SMCHD1: variants seen among roughly 807,000 people sequenced by gnomAD.
SMCHD1 encodes structural maintenance of chromosomes flexible hinge domain-containing protein 1.
A neutral mutation model predicts 254.7 loss-of-function variants in SMCHD1; 78 were observed. The ratio of observed to expected loss-of-function variants is 0.31; its 90% CI spans 0.26 to 0.37. SMCHD1 has a LOEUF of 0.37. Among genes scored for constraint, SMCHD1 ranks in the 10% least tolerant of loss-of-function variants. The probability of loss-of-function intolerance (pLI) is 1.00; values close to 1 mark genes in which losing one functional copy is unlikely to be tolerated. For synonymous variants in SMCHD1, 766 were observed against 794.9 expected, an observed-to-expected ratio of 0.96 and a Z score of 0.61; for missense variants, 1,840 against 2,408.1, an observed-to-expected ratio of 0.76 and a Z score of 4.94.
In SMCHD1 at chr18:2,688,308, A is replaced by G. The variant is rs9962343; in HGVS notation, c.639-86A>G. On this transcript the variant is annotated intron_variant, in intron 5 of 47. Transcript: ENST00000320876. Reference sequence around the variant, plus strand: ...GGGTGTTTGCAGGCGTGATCATTTTATTAACACTGAATACAAGTGCAATGA... The same window carrying G: ...GGGTGTTTGCAGGCGTGATCATTTTGTTAACACTGAATACAAGTGCAATGA... 8.6e-3 allele frequency: 7,950 copies of G among 921,886 alleles called. 402 individuals carry two copies. The African/African-American group carries it at 0.11, about 13-fold the overall frequency. 57.1% of individuals were successfully genotyped at this position (921,886 alleles called of 1,614,324 possible). A position where few individuals can be genotyped will look rare whatever the true frequency, so the allele number is the denominator to read the frequency against.
intron 5 of SMCHD1, among the ~76,000 whole-genome samples, chr18:2,674,773 C>T (rs1324538886): frequency 6.6e-6 from 1 of 152,222 alleles, no homozygotes; most frequent in Non-Finnish European, 1.5e-5. Context: ...TAACAACATA[C>T]TTGGGAAGAG....
In SMCHD1 at chr18:2,718,605, G is replaced by GT. The variant is rs771214251; in HGVS notation, c.2458+171_2458+172insT. On this transcript the variant is annotated intron_variant, in intron 19 of 47. Coordinates refer to ENST00000320876, the MANE Select transcript of SMCHD1 (RefSeq NM_015295.3). The surrounding 1 kb of genome is among the most constrained non-coding windows in gnomAD (Gnocchi z 4.6). ...GGGTCTCATTCTGTCACCCAGGCTG[G>GT]AGTGCAGTGGCACAATCTCGGCTCA... Among the ~76,000 whole-genome samples the GT allele has an allele frequency of 4.7e-4, 71 of 152,072 alleles. No individual in the cohort carries two copies. Among genetic ancestry groups the GT allele is most frequent in the Middle Eastern group, 3.4e-3 (1 of 292 alleles).
In SMCHD1 at chr18:2,666,862, G is replaced by C. The variant is rs376994088; in HGVS notation, c.263-8G>C. 8 of 1,603,518 alleles carry C rather than the reference G, an allele frequency of 5.0e-6. No individual in the cohort carries two copies. In the African/African-American group the frequency reaches 1.1e-4, roughly 22 times the overall value. Reference sequence around the variant, plus strand: ...CCTAGCACTTATGATTTTCACTCTTGATTACAGATGAAACTGTTAAAGATG... The same window carrying C: ...CCTAGCACTTATGATTTTCACTCTTCATTACAGATGAAACTGTTAAAGATG... On this transcript the variant is annotated splice_region_variant and splice_polypyrimidine_tract_variant and intron_variant, in intron 2 of 47. Coordinates refer to ENST00000320876, the MANE Select transcript of SMCHD1 (RefSeq NM_015295.3).
chr18:2,662,818 AGTTTAT>A (rs2073332079), intron 1 of SMCHD1, among the ~76,000 whole-genome samples: 1 of 152,172 alleles, frequency 6.6e-6, no homozygotes, highest in Non-Finnish European at 1.5e-5. Context: ...CTTCCCAGTC[AGTTTAT>A]GTTCATGGCT....
intron 30 of SMCHD1, among the ~76,000 whole-genome samples, chr18:2,748,871 A>G (rs1023957948): frequency 2.0e-5 from 3 of 152,246 alleles, no homozygotes; most frequent in African/African-American, 7.2e-5. Flanking sequence ...GATATCATGT[A>G]AAGATGATGT....
intron 34 of SMCHD1, among the ~76,000 whole-genome samples, chr18:2,757,258 T>A (rs1272895396): frequency 6.6e-6 from 1 of 152,232 alleles, no homozygotes; most frequent in Non-Finnish European, 1.5e-5. Flanking sequence ...TCATCCTGGC[T>A]GGAGGGCCAT....
rs148868961 is a variant in SMCHD1 at position 2,784,298 on chromosome 18, C to T, written c.5548-152C>T. ...TCTCTCTGCCTCTGGATTTTTCCCT[C>T]CAGTTTATCTTACATATTGCTAGTT... On this transcript the variant is annotated intron_variant, in intron 44 of 47. Coordinates refer to ENST00000320876, the MANE Select transcript of SMCHD1 (RefSeq NM_015295.3). Among the ~76,000 whole-genome samples, 1,187 of 152,328 alleles carry T rather than the reference C, an allele frequency of 7.8e-3. 23 individuals carry two copies. The highest frequency in any genetic ancestry group is 0.027 in the African/African-American group (1,104 of 41,574).
At chr18:2,660,794 T>G (rs2073228074) in intron 1 of SMCHD1, among the ~76,000 whole-genome samples, 1 of 152,022 alleles carries the variant, frequency 6.6e-6, no homozygotes, top group Non-Finnish European at 1.5e-5. Flanking sequence ...CCATGGATAT[T>G]TAATATGGAT....
In SMCHD1 at chr18:2,656,819, G is replaced by C. The variant is rs569253784; in HGVS notation, c.186+558G>C. On this transcript the variant is annotated intron_variant, in intron 1 of 47. Transcript: ENST00000320876. ...GCGGCGGGGGGGATCCTTCCGCACG[G>C]AGACACTTGTCCAGGTCAGCTCTGC... Among the ~76,000 whole-genome samples the C allele has an allele frequency of 3.5e-4, 54 of 152,302 alleles. 1 individual carries two copies. The highest frequency in any genetic ancestry group is 1.3e-3 in the African/African-American group (53 of 41,564).
At chr18:2,743,055 C>A (rs1202950499) in intron 28 of SMCHD1, among the ~76,000 whole-genome samples, 1 of 152,138 alleles carries the variant, frequency 6.6e-6, no homozygotes. Flanking sequence ...TTGTACCTAG[C>A]AGAAATTTAA....
At chr18:2,656,350 A>G in intron 1 of SMCHD1, 89 bp downstream of exon 1, 2 of 1,191,072 alleles carry the variant, frequency 1.7e-6, no homozygotes, top group Non-Finnish European at 2.2e-6. Context: ...AGGGCAATAA[A>G]CCTGTCACCC....
intron 7 of SMCHD1, among the ~76,000 whole-genome samples, chr18:2,689,713 A>T (rs910266537): frequency 5.3e-5 from 8 of 151,670 alleles, no homozygotes. Flanking sequence ...ACGGGAAAAT[A>T]TTTATTTTAA....
In SMCHD1 at chr18:2,700,684, A is replaced by G. The variant is rs1178430481; in HGVS notation, c.1463+25A>G. 2.5e-6 allele frequency: 4 copies of G among 1,603,020 alleles called. No individual in the cohort carries two copies. In the African/African-American group the frequency reaches 5.4e-5, roughly 22 times the overall value. ...AGTAAGTTTGATTTTTGCTGAAATT[A>G]TGTTTTTACAACTTAATTCTTTTAC... On this transcript the variant is annotated intron_variant, in intron 11 of 47. Transcript: ENST00000320876.
intron 37 of SMCHD1, among the ~76,000 whole-genome samples, chr18:2,769,161 T>A (rs1302083763): frequency 6.6e-6 from 1 of 152,192 alleles, no homozygotes; most frequent in Non-Finnish European, 1.5e-5. Flanking sequence ...AAAGGTTTTT[T>A]ATCCATTAAT....
At chr18:2,683,858 G>A (rs2073982477) in intron 5 of SMCHD1, among the ~76,000 whole-genome samples, 1 of 151,716 alleles carries the variant, frequency 6.6e-6, no homozygotes, top group Non-Finnish European at 1.5e-5. Context: ...TTTCATTTGT[G>A]TTTTCATGCT....
At chr18:2,714,503 T>C (rs571369039) in intron 17 of SMCHD1, among the ~76,000 whole-genome samples, 1 of 152,258 alleles carries the variant, frequency 6.6e-6, no homozygotes, top group South Asian at 2.1e-4. Context: ...AGTTTTGCTC[T>C]TGTCATAATG....
chr18:2,676,428 A>G (rs2073750262), intron 5 of SMCHD1, among the ~76,000 whole-genome samples: 1 of 152,198 alleles, frequency 6.6e-6, no homozygotes. Flanking sequence ...TGATCAGAAG[A>G]AAGTAGCCAA....
intron 19 of SMCHD1, 113 bp from the exon 20 acceptor site, chr18:2,722,406 A>T: frequency 1.2e-6 from 1 of 830,616 alleles, no homozygotes; most frequent in Non-Finnish European, 1.8e-6. Flanking sequence ...TTTTTAGCAT[A>T]GTCTAAAATA....
intron 45 of SMCHD1, among the ~76,000 whole-genome samples, chr18:2,793,839 T>C (rs950559229): frequency 1.3e-5 from 2 of 152,130 alleles, no homozygotes; most frequent in African/African-American, 4.8e-5. Flanking sequence ...TGTAATTTGG[T>C]CACTCATTCT....
Sources: gnomAD v4.1 joint callset for allele counts (sites outside exome capture counted in the v4.1 genomes callset) on GRCh38, gnomAD v4.1.1 for gene constraint, Gnocchi (gnomAD v3.1) non-coding constraint, MANE v1.5 for transcripts, NCBI Gene and HGNC (gene_info 2026-07-23, HGNC 2026-07-21) for gene names.